The following GRM5 variants were observed in gnomAD, a reference collection of about 807,000 sequenced individuals.
The protein encoded by GRM5 is metabotropic glutamate receptor 5.
Under a neutral mutation model 83.1 loss-of-function variants are expected in GRM5, and 19 were observed. The ratio of observed to expected loss-of-function variants is 0.23; its 90% CI spans 0.16 to 0.34. The LOEUF is 0.34. Ranked by LOEUF, GRM5 falls within the 10% of genes least tolerant of loss-of-function variation. The probability of loss-of-function intolerance (pLI) is 1.00; values close to 1 mark genes in which losing one functional copy is unlikely to be tolerated. For missense variants in GRM5, 1,160 were observed against 1,588.3 expected, an observed-to-expected ratio of 0.73 and a Z score of 4.58; for synonymous variants, 675 against 633.6, an observed-to-expected ratio of 1.07 and a Z score of -0.98.
At chr11:89,064,095 T>C (rs1361210752) in intron 1 of GRM5, among the ~76,000 whole-genome samples, 1 of 152,080 alleles carries the variant, frequency 6.6e-6, no homozygotes, top group Non-Finnish European at 1.5e-5. Context: ...TCCATTATCT[T>C]CTTCTTCCTA....
chr11:88,515,659 T>C (rs1290946270), intron 9 of GRM5, among the ~76,000 whole-genome samples: 1 of 152,240 alleles, frequency 6.6e-6, no homozygotes. Flanking sequence ...ATTTAAGTTC[T>C]AGGTCTTAGC....
intron 3 of GRM5, among the ~76,000 whole-genome samples, chr11:88,688,387 T>C (rs1458864431): frequency 1.3e-5 from 2 of 152,162 alleles, no homozygotes; most frequent in Admixed American, 6.5e-5. Context: ...TAAGTGCAAA[T>C]GGACAATAAG....
At chr11:89,045,398 G>GA (rs1941621136) in intron 2 of GRM5, among the ~76,000 whole-genome samples, 1 of 152,218 alleles carries the variant, frequency 6.6e-6, no homozygotes. Flanking sequence ...ACAATTCTAT[G>GA]AAGATCCAAT....
intron 4 of GRM5, among the ~76,000 whole-genome samples, chr11:88,607,327 T>C (rs1008480891): frequency 6.6e-6 from 1 of 152,218 alleles, no homozygotes. Flanking sequence ...TTTTCCTTCA[T>C]ACCTTCACAA....
chr11:88,603,147 A>T (rs117863396), intron 5 of GRM5, among the ~76,000 whole-genome samples: 1 of 152,224 alleles, frequency 6.6e-6, no homozygotes, highest in Non-Finnish European at 1.5e-5. Flanking sequence ...TTGTTCCAAA[A>T]AAAGATTAAG....
At chr11:88,937,077 A>G (rs1349859108) in intron 2 of GRM5, among the ~76,000 whole-genome samples, 1 of 151,706 alleles carries the variant, frequency 6.6e-6, no homozygotes, top group Non-Finnish European at 1.5e-5. Flanking sequence ...GTAATTTAAA[A>G]AAACTCACTA....
chr11:88,954,717 G>A (rs1189651253), intron 2 of GRM5, among the ~76,000 whole-genome samples: 1 of 152,116 alleles, frequency 6.6e-6, no homozygotes, highest in Non-Finnish European at 1.5e-5. Context: ...GTAGTAGACA[G>A]CACAGCTCTA....
chr11:88,750,200 A>G (rs2135426182), intron 3 of GRM5, among the ~76,000 whole-genome samples: 1 of 152,318 alleles, frequency 6.6e-6, no homozygotes. Flanking sequence ...CCCATCTCAC[A>G]TGCAAAGACA....
At chr11:88,767,402 T>C (rs1204272162) in intron 3 of GRM5, among the ~76,000 whole-genome samples, 1 of 152,020 alleles carries the variant, frequency 6.6e-6, no homozygotes, top group African/African-American at 2.4e-5. Flanking sequence ...CTATTCACAA[T>C]AGCAAAGACG....
At chr11:88,637,793 T>C (rs1242906081) in intron 4 of GRM5, among the ~76,000 whole-genome samples, 16 of 147,964 alleles carry the variant, frequency 1.1e-4, no homozygotes, top group African/African-American at 3.5e-4. Context: ...GACCCAGCCA[T>C]CCCATTACTG....
chr11:88,993,667 T>A (rs910826494), intron 2 of GRM5, among the ~76,000 whole-genome samples: 1 of 152,190 alleles, frequency 6.6e-6, no homozygotes, highest in South Asian at 2.1e-4. Context: ...TGAAAAGATA[T>A]GAGAACTATA....
At chr11:88,640,498 G>A (rs1457693058) in intron 4 of GRM5, among the ~76,000 whole-genome samples, 1 of 152,162 alleles carries the variant, frequency 6.6e-6, no homozygotes, top group Non-Finnish European at 1.5e-5. Context: ...AACACCAGCT[G>A]AGTGTCCTCC....
chr11:88,552,188 C>A (rs1942524711), intron 8 of GRM5, among the ~76,000 whole-genome samples: 4 of 151,988 alleles, frequency 2.6e-5, no homozygotes. Context: ...CCACATCTAG[C>A]TATTTTGTTT....
intron 4 of GRM5, among the ~76,000 whole-genome samples, chr11:88,610,562 T>C (rs915823874): frequency 2.1e-4 from 32 of 152,252 alleles, no homozygotes; most frequent in Admixed American, 1.6e-3. Context: ...ATTTGTACAT[T>C]GATTTTGTAT....
chr11:88,970,341 G>A (rs1245807555), intron 2 of GRM5, among the ~76,000 whole-genome samples: 3 of 152,098 alleles, frequency 2.0e-5, no homozygotes, highest in African/African-American at 7.2e-5. Context: ...GCTTCCCCTA[G>A]ATTTTCACTG....
chr11:88,534,802 G>A (rs308897), intron 8 of GRM5, among the ~76,000 whole-genome samples: 68,180 of 152,008 alleles, frequency 0.45, 17,069 homozygotes, highest in East Asian at 0.69. Context: ...GTACTCCCAT[G>A]ATTCCCATGT....
At chr11:89,013,689 A>T (rs1940771435) in intron 2 of GRM5, among the ~76,000 whole-genome samples, 1 of 152,042 alleles carries the variant, frequency 6.6e-6, no homozygotes, top group South Asian at 2.1e-4. Flanking sequence ...TCTCATGTCA[A>T]CTCCCTGCTC....
chr11:88,612,180 T>A (rs1366466672), intron 4 of GRM5, among the ~76,000 whole-genome samples: 3 of 142,816 alleles, frequency 2.1e-5, no homozygotes, highest in East Asian at 4.2e-4. Context: ...ATGTGATCTC[T>A]TTGTTCAATT....
intron 7 of GRM5, among the ~76,000 whole-genome samples, chr11:88,569,788 A>G (rs1006565884): frequency 1.3e-5 from 2 of 152,172 alleles, no homozygotes; most frequent in African/African-American, 2.4e-5. Context: ...AGCTCCTTTC[A>G]TTTATTTATT....
Sources: allele counts gnomAD v4.1 joint callset (sites outside exome capture counted in the v4.1 genomes callset), GRCh38; gene constraint gnomAD v4.1.1; transcripts MANE v1.5; gene names NCBI Gene and HGNC (gene_info 2026-07-23, HGNC 2026-07-21).